The following THSD7A variants were observed in gnomAD, a reference collection of about 807,000 sequenced individuals.
THSD7A encodes thrombospondin type 1 domain containing 7A.
A neutral mutation model predicts 231.3 loss-of-function variants in THSD7A; 96 were observed. The ratio of observed to expected loss-of-function variants is 0.41; its 90% CI spans 0.35 to 0.49. The LOEUF (loss-of-function observed/expected upper bound fraction) is 0.49. THSD7A is among the 20% of genes least tolerant of loss of function. THSD7A has a pLI of 0.05. For synonymous variants in THSD7A, 940 were observed against 743.3 expected, an observed-to-expected ratio of 1.26 and a Z score of -4.30; for missense variants, 2,290 against 2,070.2, an observed-to-expected ratio of 1.11 and a Z score of -2.06.
At chr7:11,496,312 G>A (rs1018573886) in intron 6 of THSD7A, among the ~76,000 whole-genome samples, 6 of 152,290 alleles carry the variant, frequency 3.9e-5, no homozygotes, top group African/African-American at 1.4e-4. Flanking sequence ...CCCTCTTAGT[G>A]TGAGAGACTA....
chr7:11,664,303 A>G (rs1037414661), intron 1 of THSD7A, among the ~76,000 whole-genome samples: 5 of 151,922 alleles, frequency 3.3e-5, no homozygotes, highest in African/African-American at 1.2e-4. Context: ...TGCGAATAAC[A>G]GATGGCTGGG....
At chr7:11,504,151 C>T (rs1237302661) in intron 6 of THSD7A, among the ~76,000 whole-genome samples, 1 of 152,174 alleles carries the variant, frequency 6.6e-6, no homozygotes, top group Non-Finnish European at 1.5e-5. Flanking sequence ...GAGATCATGT[C>T]TCTTGTGGGA....
At chr7:11,688,767 G>A (rs945513112) in intron 1 of THSD7A, among the ~76,000 whole-genome samples, 8 of 151,790 alleles carry the variant, frequency 5.3e-5, no homozygotes, top group African/African-American at 1.9e-4. Context: ...AATGGAGGAG[G>A]AAGGAAACAA....
intron 25 of THSD7A, 92 bp from the exon 26 acceptor site, chr7:11,379,372 T>C: frequency 7.7e-7 from 1 of 1,291,934 alleles, no homozygotes; most frequent in Admixed American, 1.9e-5. Flanking sequence ...TAAACAAGGT[T>C]TGTTTTGGGA....
intron 1 of THSD7A, among the ~76,000 whole-genome samples, chr7:11,771,821 T>A (rs549774007): frequency 6.6e-6 from 1 of 152,280 alleles, no homozygotes; most frequent in Non-Finnish European, 1.5e-5. Context: ...CATGAATGGT[T>A]TAGCACCATC....
intron 2 of THSD7A, among the ~76,000 whole-genome samples, chr7:11,625,421 T>C (rs974249171): frequency 6.6e-6 from 1 of 152,108 alleles, no homozygotes; most frequent in Admixed American, 6.6e-5. Context: ...TACTGGTAAA[T>C]ACTACTCAAA....
At chr7:11,417,786 C>T (rs1010828416) in intron 16 of THSD7A, among the ~76,000 whole-genome samples, 183 bp from the exon 17 acceptor site, 1 of 152,160 alleles carries the variant, frequency 6.6e-6, no homozygotes, top group African/African-American at 2.4e-5. Flanking sequence ...TTAAAAGGAT[C>T]TTTGCCTCTC....
Position 11,489,635 on chromosome 7 carries a change from A to C in THSD7A, c.1823-7653T>G, listed in dbSNP as rs556328713. Among the ~76,000 whole-genome samples the C allele has an allele frequency of 2.0e-5, 3 of 152,182 alleles. No homozygotes were observed. The South Asian group carries it at 6.2e-4, about 32-fold the overall frequency. ...AGATGGACTAATCATAGAGAAAAGC[A>C]TTTGCAAACTCAGGAATAACCCAAT... On this transcript the variant is annotated intron_variant, in intron 6 of 27. Coordinates refer to ENST00000423059, the MANE Select transcript of THSD7A (RefSeq NM_015204.3).
chr7:11,712,672 C>A (rs1251444998), intron 1 of THSD7A, among the ~76,000 whole-genome samples: 2 of 151,020 alleles, frequency 1.3e-5, no homozygotes, highest in Non-Finnish European at 3.0e-5. Context: ...GTTGCCTCAA[C>A]CTTAGATTCT....
intron 1 of THSD7A, among the ~76,000 whole-genome samples, chr7:11,767,922 A>G (rs1207504943): frequency 6.6e-6 from 1 of 152,184 alleles, no homozygotes; most frequent in Non-Finnish European, 1.5e-5. Flanking sequence ...TGACTTTAAG[A>G]CATCATAGAC....
At chr7:11,391,148 A>G (rs1782964975) in intron 23 of THSD7A, among the ~76,000 whole-genome samples, 1 of 152,198 alleles carries the variant, frequency 6.6e-6, no homozygotes, top group African/African-American at 2.4e-5. Context: ...TGCTCTCTTC[A>G]GAGCCATCAG....
rs901794614 is a variant in THSD7A at position 11,374,963 on chromosome 7, A to C, written c.*831T>G. The C allele has an allele frequency of 4.6e-5, 7 of 152,128 alleles. No individual in the cohort carries two copies. Among genetic ancestry groups the C allele is most frequent in the African/African-American group, 1.7e-4 (7 of 41,450 alleles). The allele number at this position is 152,128 out of a possible 1,614,324, so 9.4% of individuals were successfully genotyped here. On this transcript the variant is annotated 3_prime_UTR_variant, in exon 28 of 28. Coordinates refer to ENST00000423059, the MANE Select transcript of THSD7A (RefSeq NM_015204.3). Reference sequence around the variant, plus strand: ...GCAGTTTCTATGGCAATACTGGTTAAGCGCCTATCGTGCTGCACTAATATA... The same window carrying C: ...GCAGTTTCTATGGCAATACTGGTTACGCGCCTATCGTGCTGCACTAATATA...
In THSD7A at chr7:11,632,330, T is replaced by G. The variant is rs1398098231; in HGVS notation, c.1022+3800A>C. On this transcript the variant is annotated intron_variant, in intron 2 of 27. Transcript: ENST00000423059. This position sits in a 1 kb window ranked among gnomAD's most constrained non-coding sequence, Gnocchi z 4.1. ...TTATAGTTAAGCATATTTACATATT[T>G]GTTTTAAGTTTTCCTTTTGCAAATG... Among the ~76,000 whole-genome samples, 1 of 152,106 alleles carries G rather than the reference T, an allele frequency of 6.6e-6. No homozygotes were observed. The highest frequency in any genetic ancestry group is 2.4e-5 in the African/African-American group (1 of 41,466).
At chr7:11,425,460 C>A (rs1784286634) in intron 15 of THSD7A, among the ~76,000 whole-genome samples, 1 of 151,932 alleles carries the variant, frequency 6.6e-6, no homozygotes, top group Non-Finnish European at 1.5e-5. Flanking sequence ...GGTGTACAAG[C>A]CCAAGCAGTG....
At position 11,379,250 on chromosome 7, in the gene THSD7A, T is replaced by A. The variant is rs771522947; in HGVS notation, c.4621A>T (p.Thr1541Ser). 2.0e-5 allele frequency: 32 copies of A among 1,613,542 alleles called. No homozygotes were observed. The highest frequency in any genetic ancestry group is 2.5e-5 in the Non-Finnish European group (30 of 1,179,646). Residue 1541 changes from threonine to serine, a missense_variant, in exon 26 of 28, where the codon ACT becomes TCT. Physicochemically the swap from Thr to Ser is moderately conservative, Grantham distance 58 (BLOSUM62 1). Transcript: ENST00000423059. ...GTGCTGTTAGAAGACATGACTTCAG[T>A]GTACCCTTCTTCACAATGGCATGTT... The part of the protein sequence containing the change: ...TKTCHCEEGY[T>S]EVMSSNSTLE...
intron 6 of THSD7A, among the ~76,000 whole-genome samples, chr7:11,521,295 A>G (rs1788251160): frequency 6.6e-6 from 1 of 152,070 alleles, no homozygotes; most frequent in Non-Finnish European, 1.5e-5. Flanking sequence ...AGAACTTTTA[A>G]GAGTTAAACA....
In THSD7A at chr7:11,474,429, A is replaced by C; in HGVS notation, c.2157T>G (p.Thr719=). 2 of 1,613,576 alleles carry C rather than the reference A, an allele frequency of 1.2e-6. No homozygotes were observed. Among genetic ancestry groups the C allele is most frequent in the African/African-American group, 1.3e-5 (1 of 75,022 alleles). Residue 719 remains threonine (T), a synonymous_variant, in exon 8 of 28, where the codon ACT becomes ACG. Transcript: ENST00000423059. The surrounding 1 kb of genome is among the most constrained non-coding windows in gnomAD (Gnocchi z 4.1). Reference sequence around the variant, plus strand: ...AGGAGGCCTCCCCATTCCAAGTCGTAGTTGTGTTGAAGGACGATACTGAGG... The same window carrying C: ...AGGAGGCCTCCCCATTCCAAGTCGTCGTTGTGTTGAAGGACGATACTGAGG... ...EDTSVSSFNT[T]TTWNGEASCS...
At chr7:11,468,187 A>C (rs1397336836) in intron 9 of THSD7A, among the ~76,000 whole-genome samples, 1 of 152,146 alleles carries the variant, frequency 6.6e-6, no homozygotes, top group African/African-American at 2.4e-5. Flanking sequence ...GTAAATGAAC[A>C]TATTCCATAT....
intron 1 of THSD7A, among the ~76,000 whole-genome samples, chr7:11,648,360 T>C (rs1366111999): frequency 1.3e-5 from 2 of 152,020 alleles, no homozygotes; most frequent in Non-Finnish European, 2.9e-5. Context: ...TTATGAGCCA[T>C]GAGTCAAGGG....
Sources: allele counts gnomAD v4.1 joint callset (sites outside exome capture counted in the v4.1 genomes callset), GRCh38; gene constraint gnomAD v4.1.1; non-coding constraint Gnocchi (gnomAD v3.1); transcripts MANE v1.5; gene names NCBI Gene and HGNC (gene_info 2026-07-23, HGNC 2026-07-21).